The following TNS1 variants were observed in gnomAD, a reference collection of about 807,000 sequenced individuals.
TNS1 encodes the protein tensin 1.
A neutral mutation model predicts 168.6 loss-of-function variants in TNS1; 62 were observed. That is an observed-to-expected ratio of 0.37 (90% confidence interval 0.30 to 0.45). TNS1 has a LOEUF of 0.45. TNS1 is among the 20% of genes least tolerant of loss of function. TNS1 has a pLI of 1.00. For missense variants in TNS1, 2,240 were observed against 2,339.4 expected, an observed-to-expected ratio of 0.96 and a Z score of 0.88; for synonymous variants, 934 against 933.2, an observed-to-expected ratio of 1.00 and a Z score of -0.02.
In TNS1 at chr2:217,970,235, T is replaced by C. The variant is rs557027482; in HGVS notation, c.186+8530A>G. 1.4e-4 allele frequency among the ~76,000 whole-genome samples: 21 copies of C among 152,364 alleles called. No homozygotes were observed. In the South Asian group the frequency reaches 4.1e-3, roughly 30 times the overall value. On this transcript the variant is annotated intron_variant, in intron 3 of 32. Transcript: ENST00000682258. The stretch of plus-strand genomic sequence containing the variant: ...ATTTTTGACTTCTAGCCTCCAGAAC[T>C]GTGAGACAATACATTTCTGTTGTTT...
At chr2:217,994,819 A>C (rs1958439644) in intron 1 of TNS1, among the ~76,000 whole-genome samples, 1 of 152,268 alleles carries the variant, frequency 6.6e-6, no homozygotes, top group African/African-American at 2.4e-5. Flanking sequence ...CTAAGCAGCC[A>C]CAGGGGATGC....
At chr2:217,916,177 A>G (rs986550997) in intron 4 of TNS1, among the ~76,000 whole-genome samples, 1 of 152,102 alleles carries the variant, frequency 6.6e-6, no homozygotes, top group East Asian at 1.9e-4. Context: ...TTAATCTCTC[A>G]CTGTTGCTAT....
chr2:217,910,534 C>G (rs1423013091), intron 4 of TNS1, among the ~76,000 whole-genome samples: 1 of 151,976 alleles, frequency 6.6e-6, no homozygotes, highest in East Asian at 1.9e-4. Flanking sequence ...AGGGCAGGAT[C>G]CCCTGAGGCT....
intron 3 of TNS1, among the ~76,000 whole-genome samples, chr2:217,950,544 G>A (rs1957214445): frequency 6.6e-6 from 1 of 151,410 alleles, no homozygotes; most frequent in Non-Finnish European, 1.5e-5. Flanking sequence ...TCTGGCTGGT[G>A]GCGGAACACT....
intron 3 of TNS1, among the ~76,000 whole-genome samples, chr2:217,953,811 C>T (rs890274759): frequency 4.6e-5 from 7 of 152,240 alleles, no homozygotes; most frequent in Non-Finnish European, 1.0e-4. Flanking sequence ...AGGAATTCCA[C>T]TCCCGTCTGG....
intron 22 of TNS1, chr2:217,829,940 G>A: frequency 6.2e-7 from 1 of 1,606,132 alleles, no homozygotes; most frequent in South Asian, 1.1e-5. Flanking sequence ...AAGGGCAGGT[G>A]GTGAAGATGA....
At position 217,821,908 on chromosome 2, in the gene TNS1, C is replaced by A; in HGVS notation, c.3404G>T (p.Arg1135Leu). 1 of 1,588,408 alleles carries A rather than the reference C, an allele frequency of 6.3e-7. No individual in the cohort carries two copies. Among genetic ancestry groups the A allele is most frequent in the Non-Finnish European group, 8.6e-7 (1 of 1,168,298 alleles). ...AGCTCGGGGTCCAGCCACCGCTGTC[C>A]GTGCCACAGACTCCACATAGCTCCG... ...EPRSYVESVA[R>L]TAVAGPRAQD... The change falls in exon 23 of 33, where the codon CGG becomes CTG. Residue 1135 changes from arginine to leucine, a missense_variant. Around this residue, in one of 2 missense-constraint regions of TNS1, gnomAD observed 2,131 missense variants for 2,171.2 expected, o/e 0.98. Coordinates refer to ENST00000682258, the MANE Select transcript of TNS1 (RefSeq NM_001387777.1).
intron 4 of TNS1, among the ~76,000 whole-genome samples, chr2:217,919,823 G>T (rs1056236646): frequency 6.6e-6 from 1 of 152,168 alleles, no homozygotes; most frequent in Non-Finnish European, 1.5e-5. Context: ...GTCATCCCCC[G>T]CCTCCAGCCC....
chr2:217,848,078 G>A lies in TNS1; in HGVS notation c.2439C>T (p.Thr813=), dbSNP rs774595171. The change falls in exon 19 of 33, where the codon ACC becomes ACT. Residue 813 remains threonine, a synonymous_variant. Transcript: ENST00000682258. ...SRPSPQPLAE[T]PIPSLPEFPR... ...GGAACTCAGGGAGACTGGGGATGGG[G>A]GTCTCTGCCAATGGCTGAGGGCTGG... The A allele has an allele frequency of 1.3e-6, 2 of 1,548,486 alleles. No individual in the cohort carries two copies. The highest frequency in any genetic ancestry group is 1.4e-5 in the African/African-American group (1 of 73,058).
At chr2:217,938,890 G>T (rs1382963804) in intron 3 of TNS1, among the ~76,000 whole-genome samples, 6 of 152,102 alleles carry the variant, frequency 3.9e-5, no homozygotes, top group Admixed American at 1.3e-4. Context: ...GAGACAGAGT[G>T]GGGGAAGAGA....
intron 8 of TNS1, 61 bp from the exon 9 acceptor site, chr2:217,895,117 G>A (rs2125720435): frequency 6.6e-7 from 1 of 1,512,564 alleles, no homozygotes; most frequent in Non-Finnish European, 9.0e-7. Context: ...GGCGAGGAGA[G>A]AGAGAACCAT....
chr2:217,941,569 C>T (rs1413229536), intron 3 of TNS1, among the ~76,000 whole-genome samples: 1 of 152,202 alleles, frequency 6.6e-6, no homozygotes, highest in Non-Finnish European at 1.5e-5. Flanking sequence ...CGCCCACGCC[C>T]CAGGCCAGAG....
chr2:217,981,533 A>G (rs974970321), intron 2 of TNS1, among the ~76,000 whole-genome samples: 1 of 152,200 alleles, frequency 6.6e-6, no homozygotes, highest in Admixed American at 6.5e-5. Context: ...TGGCAGCTCT[A>G]CAGAGGGGAA....
chr2:217,821,643 C>T, intron 23 of TNS1, 97 bp downstream of exon 23: 4 of 1,239,070 alleles, frequency 3.2e-6, no homozygotes, highest in Non-Finnish European at 4.3e-6. Flanking sequence ...TTCTGCCTGT[C>T]CACGCCATAG....
intron 18 of TNS1, chr2:217,879,511 C>A (rs1224418193): frequency 2.4e-6 from 1 of 413,528 alleles, no homozygotes; most frequent in Admixed American, 3.0e-5. Context: ...GGTGCTGGGC[C>A]CCTGGGGGAG....
chr2:217,800,981 C>G lies in TNS1; in HGVS notation c.*3478G>C, dbSNP rs1937404596. On this transcript the variant is annotated 3_prime_UTR_variant, in exon 33 of 33. Coordinates refer to ENST00000682258, the MANE Select transcript of TNS1 (RefSeq NM_001387777.1). ...GGATCACACTTGTCCAGGAGGGCTG[C>G]CCCTCCTGCTTTCACACAACCACTG... is the stretch of plus-strand genomic sequence containing the variant. 1 of 152,164 alleles carries G rather than the reference C, an allele frequency of 6.6e-6. No homozygotes were observed. The highest frequency in any genetic ancestry group is 2.4e-5 in the African/African-American group (1 of 41,420). 9.4% of individuals were successfully genotyped at this position (152,164 alleles called of 1,614,324 possible). A position where few individuals can be genotyped will look rare whatever the true frequency, so the allele number is the denominator to read the frequency against.
chr2:217,847,518 C>T lies in TNS1; in HGVS notation c.2999G>A (p.Arg1000Lys). The change falls in exon 19 of 33, where the codon AGG (arginine) becomes AAG (lysine). Residue 1000 changes from arginine (R) to lysine (K), a missense_variant. By Grantham distance (26) the Arg-to-Lys change is conservative. This residue lies in a region of TNS1 where 2,131 missense variants were observed against 2,171.2 expected (regional missense o/e 0.98). Transcript: ENST00000682258. ...PLNLEGLVAHRVAGVQAREKQ... is the reference protein window; with the variant it reads ...PLNLEGLVAHKVAGVQAREKQ... ...GACTGAATACCTCTTACCTGCTACCCTGTGGGCCACCAGCCCTTCTAAATT... is the reference window on the plus strand; with the variant it reads ...GACTGAATACCTCTTACCTGCTACCTTGTGGGCCACCAGCCCTTCTAAATT... The T allele has an allele frequency of 1.4e-6, 2 of 1,466,680 alleles. No individual in the cohort carries two copies. Among genetic ancestry groups the T allele is most frequent in the Non-Finnish European group, 9.1e-7 (1 of 1,102,468 alleles). 90.9% of individuals were successfully genotyped at this position (1,466,680 alleles called of 1,614,324 possible).
intron 22 of TNS1, among the ~76,000 whole-genome samples, chr2:217,830,552 G>A (rs1214510753): frequency 2.0e-5 from 3 of 152,212 alleles, no homozygotes; most frequent in Non-Finnish European, 4.4e-5. Context: ...GAAATGGGAG[G>A]AGGAGGTAGG....
At chr2:217,849,870 G>T in intron 18 of TNS1, 1 of 985,438 alleles carries the variant, frequency 1.0e-6, no homozygotes, top group Non-Finnish European at 1.2e-6. Context: ...TGCCCAAGGT[G>T]GTGGTGGCAG....
Sources: gnomAD v4.1 joint callset for allele counts (sites outside exome capture counted in the v4.1 genomes callset) on GRCh38, gnomAD v4.1.1 for gene constraint, gnomAD v4.1.1 regional missense constraint, MANE v1.5 for transcripts, NCBI Gene and HGNC (gene_info 2026-07-23, HGNC 2026-07-21) for gene names.